Variants in KIF5B observed in about 807,000 individuals in gnomAD.
The protein encoded by KIF5B is kinesin family member 5B, also known as kinesin-1 heavy chain.
KIF5B carries 49 observed loss-of-function variants against 132.8 expected under a neutral mutation model. That is an observed-to-expected ratio of 0.37 (90% CI 0.29 to 0.47). KIF5B has a LOEUF of 0.47. Ranked by LOEUF, KIF5B falls within the 20% of genes least tolerant of loss-of-function variation. The probability of loss-of-function intolerance (pLI) is 1.00; values close to 1 mark genes in which losing one functional copy is unlikely to be tolerated. For synonymous variants in KIF5B, 355 were observed against 369.4 expected (o/e 0.96, Z 0.45); for missense variants, 780 against 1,144.0 (o/e 0.68, Z 4.59).
intron 18 of KIF5B, 32 bp from the exon 19 acceptor site, chr10:32,021,163 G>A: frequency 6.2e-7 from 1 of 1,604,724 alleles, no homozygotes; most frequent in East Asian, 2.2e-5. Context: ...GGATGTTAAA[G>A]TCAGACTAAT....
At chr10:32,014,415 G>A (rs1419372045) in intron 25 of KIF5B, among the ~76,000 whole-genome samples, 1 of 132,652 alleles carries the variant, frequency 7.5e-6, no homozygotes, top group African/African-American at 2.7e-5. Flanking sequence ...GGGGTGTGGG[G>A]TTTGTGGGGG....
chr10:32,033,876 A>G lies in KIF5B; in HGVS notation c.1274T>C (p.Ile425Thr). 1 of 1,613,036 alleles carries G rather than the reference A, an allele frequency of 6.2e-7. No individual in the cohort carries two copies. Among genetic ancestry groups the G allele is most frequent in the Non-Finnish European group, 8.5e-7 (1 of 1,179,592 alleles). Reference sequence around the variant, plus strand: ...ATCAAGCTGTTTGTATAATTTAGCAATTTCTTCTTCACACTTTCTTCTTTC... The same window carrying G: ...ATCAAGCTGTTTGTATAATTTAGCAGTTTCTTCTTCACACTTTCTTCTTTC... ...DAERRKCEEE[I>T]AKLYKQLDDK... Residue 425 changes from isoleucine to threonine, a missense_variant, in exon 12 of 26, where the codon ATT (isoleucine) becomes ACT (threonine). Transcript: ENST00000302418.
Position 32,022,848 on chromosome 10 carries a change from T to C in KIF5B, c.1914A>G (p.Gln638=), listed in dbSNP as rs770656156. Residue 638 remains glutamine, a splice_region_variant and synonymous_variant, in exon 16 of 26, where the codon CAA becomes CAG. Transcript: ENST00000302418. ...ELAACQLRIS[Q]HEAKIKSLTE... is the part of the protein sequence containing the mutation. The stretch of plus-strand genomic sequence containing the variant: ...GAATAAACTTTGTTCTATAACATAC[T>C]TGAGAGATACGAAGCTGACATGCTG... 1.9e-6 allele frequency: 3 copies of C among 1,600,614 alleles called. No homozygotes were observed. The highest frequency in any genetic ancestry group is 1.7e-6 in the Non-Finnish European group (2 of 1,170,788).
At chr10:32,027,082 A>G (rs1841343283) in intron 15 of KIF5B, among the ~76,000 whole-genome samples, 1 of 152,230 alleles carries the variant, frequency 6.6e-6, no homozygotes, top group Non-Finnish European at 1.5e-5. Context: ...AACAGCAAAC[A>G]GCAACATTAA....
At chr10:32,055,734 A>T in intron 1 of KIF5B, 114 bp downstream of exon 1, 3 of 1,367,888 alleles carry the variant, frequency 2.2e-6, no homozygotes, top group Non-Finnish European at 2.9e-6. Context: ...CCCGCCGGGG[A>T]GGGCTGGGGA....
rs1317769541 is a variant in KIF5B at position 32,056,390 on chromosome 10, G to A, written c.-417C>T. The A allele has an allele frequency of 9.0e-6, 2 of 222,754 alleles. No homozygotes were observed. The highest frequency in any genetic ancestry group is 1.8e-5 in the Non-Finnish European group (2 of 111,088). 13.8% of individuals were successfully genotyped at this position (222,754 alleles called of 1,614,324 possible). A position where few individuals can be genotyped will look rare whatever the true frequency, so the allele number is the denominator to read the frequency against. The stretch of plus-strand genomic sequence containing the variant: ...TCTGCCGTCCGCTGGCCGGCCGACT[G>A]CTGCCCGATCACTCCTGAGGCCGCC... On this transcript the variant is annotated 5_prime_UTR_variant, in exon 1 of 26. Transcript: ENST00000302418.
rs79263723 is a variant in KIF5B, at chr10:32,026,633, G to A, written c.1725+1795C>T. Among the ~76,000 whole-genome samples, 249 of 150,950 alleles carry A rather than the reference G, an allele frequency of 1.6e-3. 4 individuals are homozygous for A. The East Asian group carries it at 0.03, about 18-fold the overall frequency. Reference sequence around the variant, plus strand: ...AAAAATCTAGTAGTCATGGAACCTGGATTTCATCCCTCTGCCACTAAACAT... The same window carrying A: ...AAAAATCTAGTAGTCATGGAACCTGAATTTCATCCCTCTGCCACTAAACAT... On this transcript the variant is annotated intron_variant, in intron 15 of 25. Coordinates refer to ENST00000302418, the MANE Select transcript of KIF5B (RefSeq NM_004521.3).
chr10:32,050,864 T>C (rs11594506), intron 1 of KIF5B, among the ~76,000 whole-genome samples: 30,393 of 152,218 alleles, frequency 0.2, 3,762 homozygotes, highest in East Asian at 0.39. Context: ...TGAACAATTC[T>C]GAAAACAAAC....
intron 15 of KIF5B, among the ~76,000 whole-genome samples, chr10:32,023,384 A>G (rs1841290961): frequency 6.6e-6 from 1 of 152,198 alleles, no homozygotes; most frequent in East Asian, 1.9e-4. Context: ...CAGTAAATTC[A>G]TTGTTAATCA....
Position 32,022,820 on chromosome 10 carries a change from A to C in KIF5B, c.1914+28T>G, listed in dbSNP as rs757627647. 2.7e-6 allele frequency: 4 copies of C among 1,458,000 alleles called. No homozygotes were observed. The East Asian group carries it at 9.3e-5, about 34-fold the overall frequency. The allele number at this position is 1,458,000 out of a possible 1,614,324, so 90.3% of individuals were successfully genotyped here. On this transcript the variant is annotated intron_variant, in intron 16 of 25. Transcript: ENST00000302418. ...AATTTCTATGTGGCTGTTTCAAAAA[A>C]ATGAATAAACTTTGTTCTATAACAT...
intron 2 of KIF5B, among the ~76,000 whole-genome samples, chr10:32,047,881 C>T (rs1393989431): frequency 1.3e-5 from 2 of 152,172 alleles, no homozygotes; most frequent in East Asian, 3.8e-4. Context: ...TCTACAGTAA[C>T]TGGAAGTAAC....
chr10:32,015,568 C>A lies in KIF5B; in HGVS notation c.2853G>T (p.Gln951His). Residue 951 changes from glutamine (Q) to histidine (H), a missense_variant, in exon 25 of 26, where the codon CAG (glutamine) becomes CAT (histidine). Coordinates refer to ENST00000302418, the MANE Select transcript of KIF5B (RefSeq NM_004521.3). ...CTCCTCCACCTCGCACTGCCACTGG[C>A]TGGCTGTTCTGAACAAATGCACCTC... Reference protein sequence around the residue: ...RGGGAFVQNSQPVAVRGGGGK... With the variant: ...RGGGAFVQNSHPVAVRGGGGK... The A allele has an allele frequency of 6.2e-7, 1 of 1,613,572 alleles. No homozygotes were observed. Among genetic ancestry groups the A allele is most frequent in the South Asian group, 1.1e-5 (1 of 91,024 alleles).
rs530872243 is a variant in KIF5B at position 32,020,829 on chromosome 10, G to T, written c.2204+193C>A. 2.0e-5 allele frequency among the ~76,000 whole-genome samples: 3 copies of T among 151,922 alleles called. No individual in the cohort carries two copies. In the East Asian group the frequency reaches 5.8e-4, roughly 29 times the overall value. Reference sequence around the variant, plus strand: ...TTTTTTTCTTTTACTGAATAATTTAGATCAAAAGACCTAAAAAAAAGCCTC... The same window carrying T: ...TTTTTTTCTTTTACTGAATAATTTATATCAAAAGACCTAAAAAAAAGCCTC... On this transcript the variant is annotated intron_variant, in intron 19 of 25. Transcript: ENST00000302418.
chr10:32,017,569 ATT>A (rs763700588), intron 23 of KIF5B, among the ~76,000 whole-genome samples: 71 of 152,292 alleles, frequency 4.7e-4, no homozygotes, highest in Non-Finnish European at 8.1e-4. Context: ...ATTTCCTTTA[ATT>A]TTTTAGGGGG....
intron 1 of KIF5B, among the ~76,000 whole-genome samples, chr10:32,053,913 T>C (rs1841722987): frequency 6.6e-6 from 1 of 152,212 alleles, no homozygotes; most frequent in Admixed American, 6.5e-5. Context: ...AGCAACTTTT[T>C]CCCAATGGAA....
chr10:32,018,047 AG>A lies in KIF5B; in HGVS notation c.2544+4del. On this transcript the variant is annotated splice_donor_region_variant and intron_variant, in intron 23 of 25. Coordinates refer to ENST00000302418, the MANE Select transcript of KIF5B (RefSeq NM_004521.3). ...GCAGCTACCAGAAAATATACTCTTT[AG>A]TACCTGTTTGTGCACTTTAGTGAGC... 2 of 1,521,920 alleles carry A rather than the reference AG, an allele frequency of 1.3e-6. No individual in the cohort carries two copies. Among genetic ancestry groups the A allele is most frequent in the Non-Finnish European group, 1.8e-6 (2 of 1,103,996 alleles). The allele number at this position is 1,521,920 out of a possible 1,614,324, so 94.3% of individuals were successfully genotyped here. A position where few individuals can be genotyped will look rare whatever the true frequency, so the allele number is the denominator to read the frequency against.
intron 15 of KIF5B, among the ~76,000 whole-genome samples, chr10:32,027,621 T>C (rs1326483214): frequency 2.0e-5 from 3 of 151,692 alleles, no homozygotes; most frequent in Non-Finnish European, 4.4e-5. Context: ...ATCTTTTTTT[T>C]TTTTTTTTTT....
intron 1 of KIF5B, among the ~76,000 whole-genome samples, chr10:32,053,421 TAAAAA>T (rs34885039): frequency 7.4e-6 from 1 of 135,862 alleles, no homozygotes. Context: ...GGTTACACGT[TAAAAA>T]AAAAAAAAAA....
At position 32,021,387 on chromosome 10, in the gene KIF5B, C is replaced by G. The variant is rs1286155068; in HGVS notation, c.2033-100G>C. 3.7e-6 allele frequency: 3 copies of G among 803,464 alleles called. No individual in the cohort carries two copies. The African/African-American group carries it at 5.2e-5, about 14-fold the overall frequency. 49.8% of individuals were successfully genotyped at this position (803,464 alleles called of 1,614,324 possible). On this transcript the variant is annotated intron_variant, in intron 17 of 25. Transcript: ENST00000302418. ...ATTTTACAATAAGCATTTTCCTTAG[C>G]AATATTCAACTTCAAATTACCCAAA...
Sources: allele counts gnomAD v4.1 joint callset (sites outside exome capture counted in the v4.1 genomes callset), GRCh38; gene constraint gnomAD v4.1.1; transcripts MANE v1.5; gene names NCBI Gene and HGNC (gene_info 2026-07-23, HGNC 2026-07-21).